ADAM12: variants seen among roughly 807,000 people sequenced by gnomAD.
ADAM12 encodes ADAM metallopeptidase domain 12.
In ADAM12, 70 loss-of-function variants were observed where a neutral mutation model predicts 106.4. The ratio of observed to expected loss-of-function variants is 0.66; its 90% CI spans 0.54 to 0.80. The LOEUF is 0.80. Among genes scored for constraint, ADAM12 ranks in the 30% least tolerant of loss-of-function variants. The pLI is 0.00. For missense variants in ADAM12, 1,010 were observed against 1,171.9 expected (o/e 0.86, Z 2.02); for synonymous variants, 420 against 433.5 (o/e 0.97, Z 0.39).
chr10:126,207,084 T>C (rs1590620489), intron 3 of ADAM12, among the ~76,000 whole-genome samples: 1 of 152,218 alleles, frequency 6.6e-6, no homozygotes, highest in Non-Finnish European at 1.5e-5. Context: ...ATTAAACCTC[T>C]TTCTTTTGTA....
intron 1 of ADAM12, among the ~76,000 whole-genome samples, chr10:126,376,652 C>T (rs1367670784): frequency 2.6e-5 from 4 of 152,126 alleles, no homozygotes; most frequent in Non-Finnish European, 5.9e-5. Flanking sequence ...AGAGAAATCA[C>T]CACATTCATG....
chr10:126,080,190 T>C lies in ADAM12; in HGVS notation c.1146-8536A>G, dbSNP rs1022128854. Among the ~76,000 whole-genome samples the C allele has an allele frequency of 3.9e-5, 6 of 152,174 alleles. 1 individual carries two copies. The highest frequency in any genetic ancestry group is 3.3e-4 in the Admixed American group (5 of 15,276). ...CCTTTGTGCTTGTATTTTTCTTATT[T>C]AACAGCTTTATTCCCCGGAGCATCC... On this transcript the variant is annotated intron_variant, in intron 11 of 22. Transcript: ENST00000448723.
At chr10:126,034,231 T>C (rs1187894598) in intron 21 of ADAM12, among the ~76,000 whole-genome samples, 1 of 152,206 alleles carries the variant, frequency 6.6e-6, no homozygotes, top group African/African-American at 2.4e-5. Context: ...AGGGAGGTTA[T>C]GCCTTTCAGA....
chr10:126,092,272 A>G (rs1955479394), intron 11 of ADAM12, among the ~76,000 whole-genome samples: 1 of 152,200 alleles, frequency 6.6e-6, no homozygotes, highest in Admixed American at 6.5e-5. Context: ...TATGGCTATG[A>G]GTTCATTGAG....
At chr10:126,299,909 G>A (rs1460895786) in intron 2 of ADAM12, among the ~76,000 whole-genome samples, 1 of 152,164 alleles carries the variant, frequency 6.6e-6, no homozygotes, top group Non-Finnish European at 1.5e-5. Flanking sequence ...CTCCCAAAGT[G>A]CTGGGATTAC....
chr10:126,310,808 AATT>A (rs1007706626), intron 2 of ADAM12, among the ~76,000 whole-genome samples: 4 of 152,198 alleles, frequency 2.6e-5, no homozygotes, highest in African/African-American at 9.6e-5. Flanking sequence ...GGTACAGGGA[AATT>A]ATTAACATAG....
chr10:126,370,153 C>T (rs547658443), intron 1 of ADAM12, among the ~76,000 whole-genome samples: 9 of 152,240 alleles, frequency 5.9e-5, no homozygotes, highest in Admixed American at 3.3e-4. Context: ...GAGATCCAGT[C>T]CTGGCTAACA....
At chr10:126,240,713 T>C (rs549336198) in intron 3 of ADAM12, among the ~76,000 whole-genome samples, 2 of 152,266 alleles carry the variant, frequency 1.3e-5, no homozygotes, top group South Asian at 4.1e-4. Flanking sequence ...GCTTGAGAAT[T>C]GAACAAACAG....
intron 1 of ADAM12, among the ~76,000 whole-genome samples, chr10:126,334,260 T>C (rs1300841738): frequency 3.3e-5 from 5 of 152,174 alleles, no homozygotes; most frequent in African/African-American, 1.2e-4. Context: ...TATGACCCTA[T>C]AAAATACACA....
chr10:126,045,371 C>G (rs1954288388), intron 17 of ADAM12, among the ~76,000 whole-genome samples: 1 of 152,194 alleles, frequency 6.6e-6, no homozygotes, highest in African/African-American at 2.4e-5. Context: ...CCCCTCCCCC[C>G]ATGCACCCGG....
intron 2 of ADAM12, among the ~76,000 whole-genome samples, chr10:126,297,103 A>C (rs1960416342): frequency 6.6e-6 from 1 of 152,234 alleles, no homozygotes; most frequent in Non-Finnish European, 1.5e-5. Context: ...CTACTCCTTA[A>C]AAATGTGCAT....
At chr10:126,210,417 A>G (rs1235495991) in intron 3 of ADAM12, among the ~76,000 whole-genome samples, 3 of 152,140 alleles carry the variant, frequency 2.0e-5, no homozygotes, top group African/African-American at 7.2e-5. Context: ...GTCACCTAGC[A>G]CCCGACCCTG....
At chr10:126,081,847 G>C (rs1307863713) in intron 11 of ADAM12, among the ~76,000 whole-genome samples, 1 of 152,148 alleles carries the variant, frequency 6.6e-6, no homozygotes, top group South Asian at 2.1e-4. Flanking sequence ...GAATCCCCCC[G>C]TATATGATAG....
intron 3 of ADAM12, among the ~76,000 whole-genome samples, chr10:126,259,705 A>G (rs187316569): frequency 2.6e-5 from 4 of 152,370 alleles, no homozygotes; most frequent in African/African-American, 9.6e-5. Context: ...TCTTCTCCAC[A>G]CATGAGGGAA....
At chr10:126,313,457 G>A (rs555378387) in intron 2 of ADAM12, among the ~76,000 whole-genome samples, 1 of 152,306 alleles carries the variant, frequency 6.6e-6, no homozygotes, top group African/African-American at 2.4e-5. Context: ...AAAATGCAAA[G>A]TATGGGGTCA....
At chr10:126,095,404 G>A (rs1955537735) in intron 10 of ADAM12, among the ~76,000 whole-genome samples, 1 of 151,776 alleles carries the variant, frequency 6.6e-6, no homozygotes, top group Admixed American at 6.6e-5. Flanking sequence ...CGTGGTGGCG[G>A]GCGCCTGTAG....
chr10:126,381,458 G>C (rs1312579220), intron 1 of ADAM12, among the ~76,000 whole-genome samples: 1 of 152,022 alleles, frequency 6.6e-6, no homozygotes. Flanking sequence ...AGGCAATAGA[G>C]TGAGATTCTG....
chr10:126,279,125 A>G, intron 2 of ADAM12, 137 bp from the exon 3 acceptor site: 9 of 650,798 alleles, frequency 1.4e-5, no homozygotes, highest in South Asian at 3.9e-5. Flanking sequence ...TGCCATCACA[A>G]TGCAGTGTAT....
chr10:126,248,707 A>C (rs1250542144), intron 3 of ADAM12, among the ~76,000 whole-genome samples: 2 of 123,874 alleles, frequency 1.6e-5, no homozygotes, highest in African/African-American at 6.3e-5. Flanking sequence ...TTATTTATTT[A>C]TTTATTTATT....
Sources: allele counts gnomAD v4.1 joint callset (sites outside exome capture counted in the v4.1 genomes callset), GRCh38; gene constraint gnomAD v4.1.1; transcripts MANE v1.5; gene names NCBI Gene and HGNC (gene_info 2026-07-23, HGNC 2026-07-21).